The following POLR1B variants were observed in gnomAD, a reference collection of about 807,000 sequenced individuals.
POLR1B encodes RNA polymerase I subunit B.
A neutral mutation model predicts 105.8 loss-of-function variants in POLR1B; 30 were observed. That is an observed-to-expected ratio of 0.28 (90% CI 0.21 to 0.38). The LOEUF is 0.38. Among genes scored for constraint, POLR1B ranks in the 10% least tolerant of loss-of-function variants. The pLI is 1.00. For synonymous variants in POLR1B, 485 were observed against 505.1 expected (o/e 0.96, Z 0.53); for missense variants, 976 against 1,435.8 (o/e 0.68, Z 5.17).
At chr2:112,573,939 C>A (rs1265963838) in intron 14 of POLR1B, 124 bp downstream of exon 14, 2 of 1,163,632 alleles carry the variant, frequency 1.7e-6, no homozygotes, top group Admixed American at 2.5e-5. Context: ...CACCACCTCC[C>A]GGGCTCAAGC....
rs1684801983 is a variant in POLR1B, at chr2:112,575,105, G to A, written c.2784G>A (p.Met928Ile). The change falls in exon 15 of 15, where the codon ATG becomes ATA. Residue 928 changes from methionine (M) to isoleucine (I), a missense_variant. Coordinates refer to ENST00000263331, the MANE Select transcript of POLR1B (RefSeq NM_019014.6). This position sits in a 1 kb window ranked among gnomAD's most constrained non-coding sequence, Gnocchi z 5.3. Reference sequence around the variant, plus strand: ...TTCCATCCCGCATGACCATTGGGATGTTAATTGAGAGTATGGCCGGGAAGT... The same window carrying A: ...TTCCATCCCGCATGACCATTGGGATATTAATTGAGAGTATGGCCGGGAAGT... ...HGFPSRMTIG[M>I]LIESMAGKSA... is the part of the protein sequence containing the mutation. The A allele has an allele frequency of 6.2e-7, 1 of 1,614,194 alleles. No homozygotes were observed. The highest frequency in any genetic ancestry group is 8.5e-7 in the Non-Finnish European group (1 of 1,180,042).
rs1480654054 is a variant in POLR1B at position 112,563,126 on chromosome 2, C to G, written c.1613-1240C>G. Among the ~76,000 whole-genome samples the G allele has an allele frequency of 2.7e-5, 4 of 150,464 alleles. No homozygotes were observed. In the South Asian group the frequency reaches 8.4e-4, roughly 31 times the overall value. On this transcript the variant is annotated intron_variant, in intron 9 of 14. Transcript: ENST00000263331. ...CTGGAGTGCAGTGGCGTGATCTCGG[C>G]TCACTGTAAGCTCTGCCTCCCGGGT...
chr2:112,575,469 A>C lies in POLR1B; in HGVS notation c.3148A>C (p.Thr1050Pro), dbSNP rs1338308355. The change falls in exon 15 of 15, where the codon ACA becomes CCA. Residue 1050 changes from threonine to proline, a missense_variant. Coordinates refer to ENST00000263331, the MANE Select transcript of POLR1B (RefSeq NM_019014.6). This position sits in a 1 kb window ranked among gnomAD's most constrained non-coding sequence, Gnocchi z 5.3. ...ACGGGATGCGCTTTTAGCTCATGGT[A>C]CATCTTTTCTCCTTCATGACCGCCT... ...MERDALLAHG[T>P]SFLLHDRLFN... 1 of 1,614,060 alleles carries C rather than the reference A, an allele frequency of 6.2e-7. No homozygotes were observed. The highest frequency in any genetic ancestry group is 8.5e-7 in the Non-Finnish European group (1 of 1,180,042).
Position 112,551,781 on chromosome 2 carries a change from G to C in POLR1B, c.769G>C (p.Val257Leu). 1.9e-6 allele frequency: 3 copies of C among 1,612,756 alleles called. No individual in the cohort carries two copies. The highest frequency in any genetic ancestry group is 2.5e-6 in the Non-Finnish European group (3 of 1,179,100). The change falls in exon 6 of 15, where the codon GTC (valine) becomes CTC (leucine). Residue 257 changes from valine (V) to leucine (L), a missense_variant. Physicochemically the swap from Val to Leu is conservative, Grantham distance 32 (BLOSUM62 1). Around this residue, in one of 12 missense-constraint regions of POLR1B, gnomAD observed 452 missense variants for 616.5 expected, o/e 0.73. Coordinates refer to ENST00000263331, the MANE Select transcript of POLR1B (RefSeq NM_019014.6). ...LPLGFALKALVSFSDYQIFQE... is the reference protein window; with the variant it reads ...LPLGFALKALLSFSDYQIFQE... ...CTTTTATTTTCTATTCTAGGCACTT[G>C]TCAGCTTTTCTGATTATCAGATCTT...
chr2:112,564,270 T>C, intron 9 of POLR1B, 96 bp from the exon 10 acceptor site: 1 of 1,422,762 alleles, frequency 7.0e-7, no homozygotes, highest in South Asian at 1.3e-5. Flanking sequence ...ATTTGATATC[T>C]GAACTGATAC....
intron 7 of POLR1B, 80 bp from the exon 8 acceptor site, chr2:112,557,830 C>T: frequency 1.2e-6 from 1 of 811,376 alleles, no homozygotes; most frequent in Non-Finnish European, 1.7e-6. Flanking sequence ...AAGCGATCCA[C>T]CCAATCCTGG....
At chr2:112,566,277 A>T (rs920282691) in intron 10 of POLR1B, among the ~76,000 whole-genome samples, 2 of 152,188 alleles carry the variant, frequency 1.3e-5, no homozygotes, top group African/African-American at 4.8e-5. Flanking sequence ...TTCACTGTAC[A>T]GTTTCTGTTT....
rs1293505581 is a variant in POLR1B at position 112,576,654 on chromosome 2, C to A, written c.*925C>A. 1.3e-5 allele frequency: 2 copies of A among 152,102 alleles called. No individual in the cohort carries two copies. Among genetic ancestry groups the A allele is most frequent in the African/African-American group, 4.8e-5 (2 of 41,414 alleles). 9.4% of individuals were successfully genotyped at this position (152,102 alleles called of 1,614,324 possible). The stretch of plus-strand genomic sequence containing the variant: ...CTTAGCATAGTGAAATAAGATTCAT[C>A]CATTTTGGAAGCCAGGCATGGTGCT... On this transcript the variant is annotated 3_prime_UTR_variant, in exon 15 of 15. Transcript: ENST00000263331.
chr2:112,570,050 C>CTTT (rs879626750), intron 12 of POLR1B, among the ~76,000 whole-genome samples: 1 of 142,384 alleles, frequency 7.0e-6, no homozygotes, highest in Non-Finnish European at 1.5e-5. Context: ...CAGATTGGAT[C>CTTT]TTTTTTTTTT....
rs375074902 is a variant in POLR1B at position 112,568,067 on chromosome 2, C to G, written c.1847C>G (p.Pro616Arg). 1 of 1,614,026 alleles carries G rather than the reference C, an allele frequency of 6.2e-7. No individual in the cohort carries two copies. Among genetic ancestry groups the G allele is most frequent in the East Asian group, 2.2e-5 (1 of 44,890 alleles). Residue 616 changes from proline (P) to arginine (R), a missense_variant, in exon 11 of 15, where the codon CCT becomes CGT. By Grantham distance (103) the Pro-to-Arg change is moderately radical. This residue lies in a region of POLR1B where 184 missense variants were observed against 197.4 expected (regional missense o/e 0.93). Transcript: ENST00000263331. ...LYPGLFLFTT[P>R]CRLVRPVQNL... is the part of the protein sequence containing the mutation. ...CCAGGATTGTTCCTTTTTACCACTC[C>G]TTGTAGACTGGTACGGCCTGTGCAG...
chr2:112,573,933 A>G (rs1225999203), intron 14 of POLR1B, 118 bp downstream of exon 14: 1 of 1,237,778 alleles, frequency 8.1e-7, no homozygotes, highest in African/African-American at 1.5e-5. Context: ...TACAACCACC[A>G]CCTCCCGGGC....
chr2:112,571,653 G>A (rs575345185), intron 12 of POLR1B, among the ~76,000 whole-genome samples: 28 of 152,214 alleles, frequency 1.8e-4, no homozygotes, highest in South Asian at 1.7e-3. Flanking sequence ...GAATTTAAGG[G>A]TCTCCCTTTG....
chr2:112,551,749 A>C, intron 5 of POLR1B, 26 bp from the exon 6 acceptor site: 1 of 1,567,350 alleles, frequency 6.4e-7, no homozygotes, highest in Non-Finnish European at 8.7e-7. Context: ...TTAGTGAGCA[A>C]TTAAACCTTT....
Position 112,550,972 on chromosome 2 carries a change from G to A in POLR1B, c.732G>A (p.Leu244=), listed in dbSNP as rs1365260736. ...VMLNFIYRKE[L]FFLPLGFALK... is the part of the protein sequence containing the mutation. ...TGAACTTTATTTACCGAAAAGAACT[G>A]TTCTTTCTTCCTTTGGGATTTGCAC... is the stretch of plus-strand genomic sequence containing the variant. The change falls in exon 5 of 15, where the codon CTG becomes CTA. Residue 244 remains leucine (L), a synonymous_variant. Transcript: ENST00000263331. 8 of 1,613,654 alleles carry A rather than the reference G, an allele frequency of 5.0e-6. No homozygotes were observed. Among genetic ancestry groups the A allele is most frequent in the Admixed American group, 1.7e-5 (1 of 59,984 alleles).
Position 112,576,183 on chromosome 2 carries a change from A to G in POLR1B, c.*454A>G, listed in dbSNP as rs1430429147. ...AGGTACAGTGTTTTTTACCAGCTTT[A>G]TAGAAGTACAGTTGTTACATATTTA... On this transcript the variant is annotated 3_prime_UTR_variant, in exon 15 of 15. Transcript: ENST00000263331. 6.2e-6 allele frequency: 1 copy of G among 161,170 alleles called. No homozygotes were observed. The highest frequency in any genetic ancestry group is 1.4e-5 in the Non-Finnish European group (1 of 73,316). The allele number at this position is 161,170 out of a possible 1,614,324, so 10.0% of individuals were successfully genotyped here. A position where few individuals can be genotyped will look rare whatever the true frequency, so the allele number is the denominator to read the frequency against.
rs139297189 is a variant in POLR1B, at chr2:112,573,241, T to C, written c.2272-321T>C. Among the ~76,000 whole-genome samples, 613 of 152,326 alleles carry C rather than the reference T, an allele frequency of 4.0e-3. 4 individuals are homozygous for C. Among genetic ancestry groups the C allele is most frequent in the Middle Eastern group, 0.01 (3 of 294 alleles). Reference sequence around the variant, plus strand: ...CCTCAGCCTCTCGAATAGCTGGGACTACAGGCACCCATCACCATGCCTGGC... The same window carrying C: ...CCTCAGCCTCTCGAATAGCTGGGACCACAGGCACCCATCACCATGCCTGGC... On this transcript the variant is annotated intron_variant, in intron 13 of 14. Transcript: ENST00000263331.
chr2:112,549,361 C>A lies in POLR1B; in HGVS notation c.587C>A (p.Pro196Gln). 1.9e-6 allele frequency: 3 copies of A among 1,613,008 alleles called. No homozygotes were observed. The highest frequency in any genetic ancestry group is 2.5e-6 in the Non-Finnish European group (3 of 1,179,510). ...AATTTTCCCATTGCAATGATAAGAC[C>A]AAAATGGAAAACCAGAGGGCCTGGT... The part of the protein sequence containing the change: ...RRNFPIAMIR[P>Q]KWKTRGPGYT... The change falls in exon 4 of 15, where the codon CCA becomes CAA. Residue 196 changes from proline (P) to glutamine (Q), a missense_variant. Pro to Gln is a moderately conservative substitution (Grantham distance 76, BLOSUM62 -1). Coordinates refer to ENST00000263331, the MANE Select transcript of POLR1B (RefSeq NM_019014.6).
At chr2:112,565,282 G>T (rs1351922451) in intron 10 of POLR1B, among the ~76,000 whole-genome samples, 1 of 152,104 alleles carries the variant, frequency 6.6e-6, no homozygotes, top group Non-Finnish European at 1.5e-5. Flanking sequence ...GGACCCCCCT[G>T]TATACACATT....
intron 9 of POLR1B, among the ~76,000 whole-genome samples, chr2:112,561,804 A>G (rs539781214): frequency 1.1e-4 from 17 of 152,166 alleles, no homozygotes; most frequent in African/African-American, 4.1e-4. Context: ...TCAGTGCTGC[A>G]CTCGGAGGCA....
Sources: allele counts gnomAD v4.1 joint callset (sites outside exome capture counted in the v4.1 genomes callset), GRCh38; gene constraint gnomAD v4.1.1; regional missense constraint gnomAD v4.1.1; non-coding constraint Gnocchi (gnomAD v3.1); transcripts MANE v1.5; gene names NCBI Gene and HGNC (gene_info 2026-07-23, HGNC 2026-07-21).